Variants in HS6ST2 observed in about 807,000 individuals in gnomAD.
The protein encoded by HS6ST2 is heparan-sulfate 6-O-sulfotransferase 2.
A neutral mutation model predicts 33.0 loss-of-function variants in HS6ST2; 17 were observed. That is an observed-to-expected ratio of 0.52 (90% CI 0.35 to 0.77). The LOEUF (loss-of-function observed/expected upper bound fraction) is 0.77, where lower values mean the gene tolerates loss of function less well. Among genes scored for constraint, HS6ST2 ranks in the 30% least tolerant of loss-of-function variants. The probability of loss-of-function intolerance (pLI) is 0.01; values close to 1 mark genes in which losing one functional copy is unlikely to be tolerated. For missense variants in HS6ST2, 519 were observed against 551.7 expected, an observed-to-expected ratio of 0.94 and a Z score of 0.59; for synonymous variants, 248 against 237.1, an observed-to-expected ratio of 1.05 and a Z score of -0.42.
rs759328856 is a variant in HS6ST2 at position 132,957,190 on chromosome X, G to A, written c.565C>T (p.Pro189Ser). 8.3e-7 allele frequency: 1 copy of A among 1,211,574 alleles called. No homozygotes were observed. The highest frequency in any genetic ancestry group is 1.8e-5 in the South Asian group (1 of 56,923). The change falls in exon 2 of 5, where the codon CCG becomes TCG. Residue 189 changes from proline (P) to serine (S), a missense_variant. By Grantham distance (74) the Pro-to-Ser change is moderately conservative. Transcript: ENST00000370833. ...TCCGAGCGGTACGGGTCCGGCACCG[G>A]GGAGCTGAACGCCTGCAGGCGGAGG... ...QLLRLQAFSS[P>S]VPDPYRSEDE...
intron 2 of HS6ST2, among the ~76,000 whole-genome samples, chrX:132,836,295 T>G (rs1471468659): frequency 8.9e-6 from 1 of 112,541 alleles, no homozygotes; most frequent in Non-Finnish European, 1.9e-5. Context: ...TGGGCTGCAC[T>G]TCTGTGGGGT....
Position 132,638,648 on chromosome X carries a change from C to T in HS6ST2, c.1068-9555G>A, listed in dbSNP as rs140805949. Among the ~76,000 whole-genome samples, 21 of 112,154 alleles carry T rather than the reference C, an allele frequency of 1.9e-4. No homozygotes were observed. The East Asian group carries it at 5.9e-3, about 32-fold the overall frequency. ...AGACCTAAATGATCTGGATGCTGAACCTCTTCCTTTCCCCTTGAAGTTCAT... is the reference window on the plus strand; with the variant it reads ...AGACCTAAATGATCTGGATGCTGAATCTCTTCCTTTCCCCTTGAAGTTCAT... On this transcript the variant is annotated intron_variant, in intron 4 of 4. Transcript: ENST00000370833.
intron 3 of HS6ST2, among the ~76,000 whole-genome samples, chrX:132,693,996 CACAA>C (rs1329770673): frequency 1.8e-5 from 2 of 112,034 alleles, no homozygotes; most frequent in African/African-American, 3.2e-5. Flanking sequence ...AGAAAGCAAT[CACAA>C]ACATTCAGCA....
intron 2 of HS6ST2, among the ~76,000 whole-genome samples, chrX:132,772,660 C>A (rs2064912506): frequency 1.0e-5 from 1 of 95,622 alleles, no homozygotes; most frequent in Non-Finnish European, 2.0e-5. Flanking sequence ...TAATTGTATG[C>A]AATATAATTA....
At chrX:132,783,591 C>T (rs1160237084) in intron 2 of HS6ST2, among the ~76,000 whole-genome samples, 1 of 111,116 alleles carries the variant, frequency 9.0e-6, no homozygotes, top group African/African-American at 3.3e-5. Flanking sequence ...CAAATTTCCT[C>T]AACAATAGCT....
intron 2 of HS6ST2, among the ~76,000 whole-genome samples, chrX:132,749,156 G>A (rs918208345): frequency 9.0e-6 from 1 of 111,648 alleles, no homozygotes; most frequent in African/African-American, 3.3e-5. Flanking sequence ...TCCTTCCTTC[G>A]GATTCTCACA....
chrX:132,647,140 C>T (rs768776405), intron 4 of HS6ST2, among the ~76,000 whole-genome samples: 1 of 111,438 alleles, frequency 9.0e-6, no homozygotes, highest in Non-Finnish European at 1.9e-5. Flanking sequence ...AGAACATCTC[C>T]ATCAGCCTTT....
intron 2 of HS6ST2, among the ~76,000 whole-genome samples, chrX:132,949,536 A>G (rs1353815006): frequency 1.8e-5 from 2 of 110,511 alleles, no homozygotes; most frequent in African/African-American, 6.6e-5. Context: ...TCTGCCTTTC[A>G]GGGTGAGGGT....
At chrX:132,736,915 G>C in intron 2 of HS6ST2, among the ~76,000 whole-genome samples, 1 of 111,663 alleles carries the variant, frequency 9.0e-6, no homozygotes. Context: ...CACATTGGTA[G>C]GGAATTAAAA....
intron 2 of HS6ST2, among the ~76,000 whole-genome samples, chrX:132,945,843 A>T (rs1469035668): frequency 4.8e-5 from 3 of 62,265 alleles, no homozygotes; most frequent in Non-Finnish European, 8.2e-5. Context: ...CACACTGGGG[A>T]TTGTTGTGGG....
At chrX:132,771,332 C>T (rs753516327) in intron 2 of HS6ST2, among the ~76,000 whole-genome samples, 1 of 111,741 alleles carries the variant, frequency 8.9e-6, no homozygotes, top group African/African-American at 3.2e-5. Context: ...TTCTAATGAA[C>T]AATGTATTAC....
chrX:132,739,928 G>A (rs1388474529), intron 2 of HS6ST2, among the ~76,000 whole-genome samples: 1 of 111,420 alleles, frequency 9.0e-6, no homozygotes. Flanking sequence ...GACATTCAGA[G>A]TCTTGTTTTT....
At chrX:132,670,083 G>C (rs954206187) in intron 3 of HS6ST2, among the ~76,000 whole-genome samples, 13 of 107,117 alleles carry the variant, frequency 1.2e-4, no homozygotes, top group South Asian at 7.9e-4. Flanking sequence ...TATTTATCCT[G>C]ATTTCATCAG....
intron 2 of HS6ST2, among the ~76,000 whole-genome samples, chrX:132,881,573 T>C (rs1382750047): frequency 9.0e-6 from 1 of 111,728 alleles, no homozygotes; most frequent in Non-Finnish European, 1.9e-5. Context: ...ATTCTGTAGG[T>C]TGCCTGTTCA....
Position 132,860,777 on chromosome X carries a change from C to CTTTTTTTTTTTTTTTTTTTTT in HS6ST2, c.947+96010_947+96030dup, listed in dbSNP as rs58059164. Among the ~76,000 whole-genome samples, 4 of 52,896 alleles carry CTTTTTTTTTTTTTTTTTTTTT rather than the reference C, an allele frequency of 7.6e-5. 1 individual carries two copies. The highest frequency in any genetic ancestry group is 9.1e-5 in the African/African-American group (1 of 11,049). 45.9% of individuals were successfully genotyped at this position (52,896 alleles called of 115,157 possible). ...AGTCTGGGTCCTTAGGCATGTGTAT[C>CTTTTTTTTTTTTTTTTTTTTT]TTTTTTTTTTTTTTTTTTTTTTTTT... On this transcript the variant is annotated intron_variant, in intron 2 of 4. Coordinates refer to ENST00000370833, the MANE Select transcript of HS6ST2 (RefSeq NM_001394073.1).
At chrX:132,780,562 G>T (rs1186596828) in intron 2 of HS6ST2, among the ~76,000 whole-genome samples, 12 of 111,480 alleles carry the variant, frequency 1.1e-4, no homozygotes. Flanking sequence ...CATCAGGGCA[G>T]TGCCACAGGC....
chrX:132,894,610 C>T (rs987632863), intron 2 of HS6ST2, among the ~76,000 whole-genome samples: 5 of 110,640 alleles, frequency 4.5e-5, no homozygotes, highest in African/African-American at 1.6e-4. Context: ...AATCTCAGCT[C>T]ACTGCAACCT....
At chrX:132,637,990 A>T (rs1185431102) in intron 4 of HS6ST2, among the ~76,000 whole-genome samples, 1 of 85,190 alleles carries the variant, frequency 1.2e-5, no homozygotes, top group Non-Finnish European at 2.2e-5. Flanking sequence ...ATAAAAGTTC[A>T]GCCTTTGCAC....
rs1432621041 is a variant in HS6ST2 at position 132,628,530 on chromosome X, T to C, written c.1631A>G (p.Gln544Arg). ...TCGCCTGGCCTCCTGATGCTCTTTC[T>C]GCCTCATAAACTGATACCTCTGCAA... is the stretch of plus-strand genomic sequence containing the variant. ...LFLQRYQFMR[Q>R]KEHQEARRKR... is the part of the protein sequence containing the mutation. Residue 544 changes from glutamine (Q) to arginine (R), a missense_variant, in exon 5 of 5, where the codon CAG (glutamine) becomes CGG (arginine). Transcript: ENST00000370833. 8.3e-7 allele frequency: 1 copy of C among 1,209,310 alleles called. No individual in the cohort carries two copies. Among genetic ancestry groups the C allele is most frequent in the Non-Finnish European group, 1.1e-6 (1 of 895,101 alleles).
Sources: allele counts gnomAD v4.1 joint callset (sites outside exome capture counted in the v4.1 genomes callset), GRCh38; gene constraint gnomAD v4.1.1; transcripts MANE v1.5; gene names NCBI Gene and HGNC (gene_info 2026-07-23, HGNC 2026-07-21).